The following GALNT1 variants were observed in gnomAD, a reference collection of about 807,000 sequenced individuals.
GALNT1 encodes polypeptide N-acetylgalactosaminyltransferase 1, also known as GalNAc transferase 1.
A neutral mutation model predicts 65.7 loss-of-function variants in GALNT1; 17 were observed. The ratio of observed to expected loss-of-function variants is 0.26; its 90% CI spans 0.18 to 0.39. The LOEUF is 0.39. Among genes scored for constraint, GALNT1 ranks in the 10% least tolerant of loss-of-function variants. The pLI is 1.00. For synonymous variants in GALNT1, 210 were observed against 219.7 expected (o/e 0.96, Z 0.39); for missense variants, 460 against 672.8 (o/e 0.68, Z 3.50).
chr18:35,608,139 C>T (rs918105946), intron 1 of GALNT1, among the ~76,000 whole-genome samples: 13 of 151,826 alleles, frequency 8.6e-5, no homozygotes, highest in Non-Finnish European at 1.5e-4. Flanking sequence ...TAAAATTTTT[C>T]TCAGTAATAT....
chr18:35,663,520 G>C (rs972381071), intron 2 of GALNT1, 108 bp from the exon 3 acceptor site: 2 of 1,148,764 alleles, frequency 1.7e-6, no homozygotes, highest in Admixed American at 2.7e-5. Flanking sequence ...GCTCAGAAAG[G>C]GTTCTGGTTG....
chr18:35,586,260 T>A (rs570220473), intron 1 of GALNT1, among the ~76,000 whole-genome samples: 1 of 152,222 alleles, frequency 6.6e-6, no homozygotes, highest in Non-Finnish European at 1.5e-5. Flanking sequence ...CAGGGAACTA[T>A]CTTTTGTTCA....
chr18:35,691,188 T>G lies in GALNT1; in HGVS notation c.1155T>G (p.Ser385=), dbSNP rs140130103. Residue 385 remains serine, a synonymous_variant, in exon 8 of 12, where the codon TCT becomes TCG. Coordinates refer to ENST00000269195, the MANE Select transcript of GALNT1 (RefSeq NM_020474.4). The part of the protein sequence containing the change: ...DEFKNFFYII[S]PGVTKVDYGD... ...TCAAGAATTTCTTCTATATAATTTC[T>G]CCAGGTTAGCGTTGTTTTGCATTAG... 309 of 1,600,696 alleles carry G rather than the reference T, an allele frequency of 1.9e-4. 1 individual carries two copies. The African/African-American group carries it at 3.8e-3, about 20-fold the overall frequency.
chr18:35,633,090 C>G (rs1206113109), intron 1 of GALNT1, among the ~76,000 whole-genome samples: 1 of 152,104 alleles, frequency 6.6e-6, no homozygotes, highest in Non-Finnish European at 1.5e-5. Context: ...TTTTACACTG[C>G]TGGTGGGACT....
At chr18:35,676,706 A>G (rs995309340) in intron 3 of GALNT1, among the ~76,000 whole-genome samples, 1 of 152,176 alleles carries the variant, frequency 6.6e-6, no homozygotes, top group African/African-American at 2.4e-5. Flanking sequence ...GATACCTGGG[A>G]GATAATTATA....
At chr18:35,684,896 G>T (rs1237752879) in intron 5 of GALNT1, among the ~76,000 whole-genome samples, 1 of 152,112 alleles carries the variant, frequency 6.6e-6, no homozygotes, top group Non-Finnish European at 1.5e-5. Flanking sequence ...CAGGTGAGAA[G>T]GTTAATAGCA....
chr18:35,694,057 A>AGAGAAATTGAGGAAGATG (rs2048013164), intron 9 of GALNT1, among the ~76,000 whole-genome samples: 1 of 152,216 alleles, frequency 6.6e-6, no homozygotes. Flanking sequence ...CGAATACTGC[A>AGAGAAATTGAGGAAGATG]GAGAAATTGA....
intron 1 of GALNT1, among the ~76,000 whole-genome samples, chr18:35,613,725 T>C (rs2046747624): frequency 6.6e-6 from 1 of 152,038 alleles, no homozygotes; most frequent in South Asian, 2.1e-4. Context: ...CCCTCAGTGG[T>C]TGGAAAAGTA....
intron 3 of GALNT1, among the ~76,000 whole-genome samples, chr18:35,676,740 T>C (rs902100492): frequency 6.6e-6 from 1 of 152,208 alleles, no homozygotes; most frequent in African/African-American, 2.4e-5. Flanking sequence ...GGGGGGCTTA[T>C]GTTCTAAAGC....
intron 3 of GALNT1, among the ~76,000 whole-genome samples, chr18:35,669,369 C>G (rs2047597706): frequency 1.3e-5 from 2 of 152,158 alleles, no homozygotes; most frequent in East Asian, 3.8e-4. Flanking sequence ...TCAGCATGAT[C>G]TTGATATGAA....
chr18:35,671,418 G>A (rs925605392), intron 3 of GALNT1, among the ~76,000 whole-genome samples: 2 of 152,080 alleles, frequency 1.3e-5, no homozygotes, highest in South Asian at 2.1e-4. Flanking sequence ...GGGGTCTCAC[G>A]CCACGTTGCC....
chr18:35,658,056 C>T lies in GALNT1; in HGVS notation c.139+3255C>T, dbSNP rs369407864. Among the ~76,000 whole-genome samples, 40 of 152,258 alleles carry T rather than the reference C, an allele frequency of 2.6e-4. 1 individual carries two copies. The South Asian group carries it at 4.1e-3, about 16-fold the overall frequency. On this transcript the variant is annotated intron_variant, in intron 2 of 11. Coordinates refer to ENST00000269195, the MANE Select transcript of GALNT1 (RefSeq NM_020474.4). ...CAGGTTATTATAGTTTTGACAACCA[C>T]TAGTGGCATAAGTTTCAAAGAAAAA...
At chr18:35,664,043 A>C (rs984310098) in intron 3 of GALNT1, 9 of 440,804 alleles carry the variant, frequency 2.0e-5, no homozygotes, top group Non-Finnish European at 3.2e-5. Flanking sequence ...TTAGAAGGGG[A>C]TTTTAAACTT....
intron 1 of GALNT1, among the ~76,000 whole-genome samples, chr18:35,584,194 C>T (rs1256035069): frequency 6.6e-6 from 1 of 152,208 alleles, no homozygotes; most frequent in Non-Finnish European, 1.5e-5. Context: ...TTTCCATACT[C>T]ATTCTCATGA....
chr18:35,584,937 G>T (rs927658493), intron 1 of GALNT1, among the ~76,000 whole-genome samples: 1 of 152,206 alleles, frequency 6.6e-6, no homozygotes, highest in African/African-American at 2.4e-5. Flanking sequence ...ACCCCTGTAT[G>T]GAGCGATTAA....
At chr18:35,683,186 G>GC (rs2047812174) in intron 4 of GALNT1, among the ~76,000 whole-genome samples, 1 of 152,102 alleles carries the variant, frequency 6.6e-6, no homozygotes, top group African/African-American at 2.4e-5. Flanking sequence ...TCCTAATTCT[G>GC]CATATAATAA....
rs562319988 is a variant in GALNT1 at position 35,684,952 on chromosome 18, A to C, written c.689+1354A>C. Among the ~76,000 whole-genome samples, 5 of 152,326 alleles carry C rather than the reference A, an allele frequency of 3.3e-5. No homozygotes were observed. In the South Asian group the frequency reaches 1.0e-3, roughly 32 times the overall value. On this transcript the variant is annotated intron_variant, in intron 5 of 11. Transcript: ENST00000269195. ...CTCTTGAAATCTGTATCTTAGTATA[A>C]AGCAAGAATGAAAAATTAATCCCAC... is the stretch of plus-strand genomic sequence containing the variant.
At chr18:35,581,546 G>GACCC (rs2046313871), upstream of GALNT1, among the ~76,000 whole-genome samples, 1 of 2,512 alleles carries the variant, frequency 4.0e-4, no homozygotes, top group Non-Finnish European at 7.8e-4. Context: ...GGCGCCCTGC[G>GACCC]GCGCCCGCCG....
intron 3 of GALNT1, among the ~76,000 whole-genome samples, chr18:35,673,713 A>G (rs2047666697): frequency 6.6e-6 from 1 of 152,196 alleles, no homozygotes; most frequent in Admixed American, 6.5e-5. Flanking sequence ...GCTGGATTGC[A>G]GACATGAGCC....
Sources: gnomAD v4.1 joint callset for allele counts (sites outside exome capture counted in the v4.1 genomes callset) on GRCh38, gnomAD v4.1.1 for gene constraint, MANE v1.5 for transcripts, NCBI Gene and HGNC (gene_info 2026-07-23, HGNC 2026-07-21) for gene names.